Variants in FHIT observed in about 807,000 individuals in gnomAD.
FHIT encodes fragile histidine triad diadenosine triphosphatase, also known as bis(5'-adenosyl)-triphosphatase.
A neutral mutation model predicts 17.9 loss-of-function variants in FHIT; 19 were observed. The ratio of observed to expected loss-of-function variants is 1.06; its 90% CI spans 0.74 to 1.56. The LOEUF (loss-of-function observed/expected upper bound fraction) is 1.56. Ranked by LOEUF, FHIT falls within the 40% of genes most tolerant of loss-of-function variation. The pLI, the probability that FHIT is intolerant of heterozygous loss-of-function variation, is 0.00. For missense variants in FHIT, 248 were observed against 189.2 expected (o/e 1.31, Z -1.82); for synonymous variants, 81 against 69.7 (o/e 1.16, Z -0.81).
chr3:59,790,141 G>A (rs1252606521), intron 8 of FHIT, among the ~76,000 whole-genome samples: 1 of 152,164 alleles, frequency 6.6e-6, no homozygotes, highest in East Asian at 1.9e-4. Context: ...ACAAGATTGG[G>A]TACAAAATAG....
At chr3:61,159,319 C>T (rs1048551301) in intron 2 of FHIT, among the ~76,000 whole-genome samples, 1 of 152,142 alleles carries the variant, frequency 6.6e-6, no homozygotes, top group Non-Finnish European at 1.5e-5. Flanking sequence ...TTGATACAAT[C>T]TGTAAATAAA....
intron 5 of FHIT, among the ~76,000 whole-genome samples, chr3:60,106,199 T>A (rs901693527): frequency 1.3e-5 from 2 of 152,178 alleles, no homozygotes; most frequent in African/African-American, 4.8e-5. Context: ...AACTCTTCTC[T>A]TACTTAACGA....
At chr3:60,965,241 C>T (rs1709663732) in intron 3 of FHIT, among the ~76,000 whole-genome samples, 1 of 152,110 alleles carries the variant, frequency 6.6e-6, no homozygotes, top group African/African-American at 2.4e-5. Context: ...GAAGCTTGTG[C>T]ATGCATCACG....
intron 5 of FHIT, among the ~76,000 whole-genome samples, chr3:60,332,395 T>G (rs1033038559): frequency 1.3e-5 from 2 of 152,152 alleles, no homozygotes; most frequent in Non-Finnish European, 2.9e-5. Flanking sequence ...CACTAGAGTA[T>G]CTACGATGGA....
At chr3:59,770,905 T>C (rs1041650786) in intron 8 of FHIT, among the ~76,000 whole-genome samples, 5 of 152,160 alleles carry the variant, frequency 3.3e-5, no homozygotes, top group African/African-American at 7.2e-5. Flanking sequence ...GCTGAAAGAA[T>C]CAATACAACA....
intron 4 of FHIT, among the ~76,000 whole-genome samples, chr3:60,588,253 C>T (rs1553662821): frequency 6.6e-6 from 1 of 152,006 alleles, no homozygotes; most frequent in Non-Finnish European, 1.5e-5. Context: ...TTTCTTTTCT[C>T]CCTATATCCA....
chr3:59,818,511 T>C (rs1700681854), intron 8 of FHIT, among the ~76,000 whole-genome samples: 1 of 114,146 alleles, frequency 8.8e-6, no homozygotes. Context: ...ACGTAAATAA[T>C]AGTCCAGGAG....
intron 5 of FHIT, among the ~76,000 whole-genome samples, chr3:60,261,937 G>A (rs1316518965): frequency 6.6e-6 from 1 of 151,982 alleles, no homozygotes; most frequent in Admixed American, 6.6e-5. Context: ...TCCCAAGTCA[G>A]CCCAGTTTAT....
At chr3:60,074,720 A>G (rs1702930089) in intron 5 of FHIT, among the ~76,000 whole-genome samples, 2 of 151,876 alleles carry the variant, frequency 1.3e-5, no homozygotes, top group South Asian at 4.1e-4. Flanking sequence ...AGAAATTACA[A>G]TAGTTTCTTC....
chr3:61,210,627 G>A (rs948815472), intron 1 of FHIT, among the ~76,000 whole-genome samples: 3 of 152,182 alleles, frequency 2.0e-5, no homozygotes, highest in Non-Finnish European at 2.9e-5. Flanking sequence ...ATAATCTCCT[G>A]GTGTGCCGTT....
intron 5 of FHIT, among the ~76,000 whole-genome samples, chr3:60,437,960 T>A (rs1456605725): frequency 2.6e-5 from 4 of 152,134 alleles, no homozygotes; most frequent in Admixed American, 6.6e-5. Context: ...TTACATTTTT[T>A]AAAATTAAGA....
At chr3:59,954,756 A>T (rs1170765914) in intron 7 of FHIT, among the ~76,000 whole-genome samples, 1 of 152,182 alleles carries the variant, frequency 6.6e-6, no homozygotes, top group Non-Finnish European at 1.5e-5. Flanking sequence ...GAAATTTCTT[A>T]TACTGAAGGT....
At chr3:60,300,757 T>C (rs6768755) in intron 5 of FHIT, among the ~76,000 whole-genome samples, 85,238 of 151,968 alleles carry the variant, frequency 0.56, 24,946 homozygotes, top group East Asian at 0.96. Flanking sequence ...TATTGATCCA[T>C]GTGCACAAAC....
chr3:60,725,182 A>G (rs185018761), intron 4 of FHIT, among the ~76,000 whole-genome samples: 15 of 152,198 alleles, frequency 9.9e-5, no homozygotes, highest in African/African-American at 3.6e-4. Flanking sequence ...TTCATATTCT[A>G]TCTCCAAGTT....
intron 4 of FHIT, among the ~76,000 whole-genome samples, chr3:60,555,671 C>G (rs2036716383): frequency 6.6e-6 from 1 of 152,176 alleles, no homozygotes; most frequent in African/African-American, 2.4e-5. Context: ...ATCTCATTAC[C>G]TCTTCACTCT....
chr3:61,226,072 A>C (rs2039964130), intron 1 of FHIT, among the ~76,000 whole-genome samples: 1 of 152,186 alleles, frequency 6.6e-6, no homozygotes, highest in Admixed American at 6.5e-5. Flanking sequence ...TTTCTACTAC[A>C]GTTTATTGAT....
chr3:60,493,675 TG>T (rs1328304585), intron 5 of FHIT, among the ~76,000 whole-genome samples: 3 of 152,216 alleles, frequency 2.0e-5, no homozygotes, highest in Non-Finnish European at 2.9e-5. Context: ...TCTCTACTTT[TG>T]TTTTGACAAC....
At chr3:60,999,281 A>G (rs2030896888) in intron 3 of FHIT, among the ~76,000 whole-genome samples, 1 of 152,132 alleles carries the variant, frequency 6.6e-6, no homozygotes, top group African/African-American at 2.4e-5. Context: ...AGATTTGAGT[A>G]AACTTTCTGA....
chr3:61,224,937 T>TATA (rs1191700073), intron 1 of FHIT, among the ~76,000 whole-genome samples: 1 of 152,250 alleles, frequency 6.6e-6, no homozygotes, highest in African/African-American at 2.4e-5. Context: ...TCTTCTCTTA[T>TATA]ATAACACCAT....
Sources: allele counts gnomAD v4.1 joint callset (sites outside exome capture counted in the v4.1 genomes callset), GRCh38; gene constraint gnomAD v4.1.1; transcripts MANE v1.5; gene names NCBI Gene and HGNC (gene_info 2026-07-23, HGNC 2026-07-21).